Variants in RBFOX1 observed in about 807,000 individuals in gnomAD.
RBFOX1 encodes the protein RNA binding fox-1 homolog 1, also known as RNA binding protein fox-1 homolog 1.
A neutral mutation model predicts 57.7 loss-of-function variants in RBFOX1; 8 were observed. That is an observed-to-expected ratio of 0.14 (90% CI 0.08 to 0.25). The LOEUF is 0.25. Among genes scored for constraint, RBFOX1 ranks in the 10% least tolerant of loss-of-function variants. The pLI is 1.00. For missense variants in RBFOX1, 611 were observed against 548.5 expected (o/e 1.11, Z -1.14); for synonymous variants, 326 against 222.4 (o/e 1.47, Z -4.15).
At chr16:7,042,508 C>G (rs914853589) in intron 3 of RBFOX1, among the ~76,000 whole-genome samples, 14 of 152,328 alleles carry the variant, frequency 9.2e-5, no homozygotes, top group African/African-American at 3.1e-4. Flanking sequence ...AATCAATTGT[C>G]AGCTGCTTAC....
intron 2 of RBFOX1, among the ~76,000 whole-genome samples, chr16:6,349,382 A>C (rs2085904830): frequency 6.6e-6 from 1 of 152,226 alleles, no homozygotes; most frequent in Non-Finnish European, 1.5e-5. Context: ...TGTGTTTCAA[A>C]CTTTTGATAA....
intron 3 of RBFOX1, chr16:6,704,116 A>G (rs1281618574): frequency 6.6e-6 from 1 of 152,094 alleles, no homozygotes; most frequent in Admixed American, 6.6e-5. Context: ...CTAATTTCTT[A>G]ATTCATTTCA....
At chr16:5,963,773 G>A (rs1302694412) in intron 4 of RBFOX1, among the ~76,000 whole-genome samples, 3 of 152,138 alleles carry the variant, frequency 2.0e-5, no homozygotes, top group Non-Finnish European at 4.4e-5. Flanking sequence ...TGGATTAAAT[G>A]CTTAAACTTA....
At chr16:5,651,253 A>G (rs2006222) in intron 3 of RBFOX1, among the ~76,000 whole-genome samples, 82,997 of 151,178 alleles carry the variant, frequency 0.55, 26,429 homozygotes, top group Non-Finnish European at 0.72. Context: ...GGGTTTCACT[A>G]TGTTGACCAG....
intron 4 of RBFOX1, among the ~76,000 whole-genome samples, chr16:7,254,493 TC>T (rs2094600348): frequency 2.8e-5 from 3 of 106,450 alleles, no homozygotes; most frequent in Admixed American, 9.0e-5. Context: ...TGTCTCTCTC[TC>T]TCTCTTTTTT....
chr16:6,338,067 T>A (rs1179193101), intron 2 of RBFOX1, among the ~76,000 whole-genome samples: 1 of 152,242 alleles, frequency 6.6e-6, no homozygotes, highest in East Asian at 1.9e-4. Context: ...TTTGTCCAGG[T>A]AATTTTTGTC....
At chr16:5,300,405 C>A (rs1243862360) in intron 1 of RBFOX1, among the ~76,000 whole-genome samples, 3 of 152,062 alleles carry the variant, frequency 2.0e-5, no homozygotes, top group Non-Finnish European at 4.4e-5. Flanking sequence ...CACATGGGTA[C>A]AGTGTACACT....
rs529895760 is a variant in RBFOX1 at position 6,924,591 on chromosome 16, C to G, written c.-15-127466C>G. 5.3e-4 allele frequency among the ~76,000 whole-genome samples: 81 copies of G among 152,202 alleles called. No individual in the cohort carries two copies. In the Middle Eastern group the frequency reaches 0.014, roughly 26 times the overall value. ...ATATCCAAACTGTATCACCGAGCCT[C>G]CATTTCTTCACCTGCAAAATAATGA... On this transcript the variant is annotated intron_variant, in intron 3 of 15. Coordinates refer to ENST00000550418, the MANE Select transcript of RBFOX1 (RefSeq NM_018723.4).
At chr16:7,409,543 C>T (rs1434523259) in intron 4 of RBFOX1, among the ~76,000 whole-genome samples, 3 of 152,202 alleles carry the variant, frequency 2.0e-5, no homozygotes, top group Non-Finnish European at 4.4e-5. Flanking sequence ...TTATTTTGCA[C>T]TATCCTAAGC....
intron 11 of RBFOX1, among the ~76,000 whole-genome samples, chr16:7,651,135 T>A (rs1049139277): frequency 1.3e-5 from 2 of 152,180 alleles, no homozygotes; most frequent in African/African-American, 4.8e-5. Context: ...TCATTCTGGG[T>A]TCTACAATCC....
intron 12 of RBFOX1, among the ~76,000 whole-genome samples, chr16:7,660,434 G>A (rs72776850): frequency 0.088 from 13,354 of 152,156 alleles, 686 homozygotes; most frequent in Middle Eastern, 0.16. Flanking sequence ...CTGCACCGCA[G>A]ACATGGATCC....
intron 3 of RBFOX1, among the ~76,000 whole-genome samples, chr16:6,779,985 ATATT>A (rs1474538951): frequency 4.9e-5 from 3 of 61,710 alleles, no homozygotes; most frequent in African/African-American, 1.8e-4. Flanking sequence ...ATATATTTAT[ATATT>A]TATATATTTA....
At chr16:5,927,800 A>G (rs2058967856) in intron 4 of RBFOX1, among the ~76,000 whole-genome samples, 1 of 152,204 alleles carries the variant, frequency 6.6e-6, no homozygotes, top group Non-Finnish European at 1.5e-5. Context: ...TTTGTGACAA[A>G]ATGGGTAAAC....
chr16:5,303,881 G>A (rs1009064911), intron 1 of RBFOX1, among the ~76,000 whole-genome samples: 1 of 152,042 alleles, frequency 6.6e-6, no homozygotes, highest in Non-Finnish European at 1.5e-5. Context: ...AAGGGAGGAG[G>A]CCCACACCCT....
intron 2 of RBFOX1, among the ~76,000 whole-genome samples, chr16:6,324,514 T>A (rs543233684): frequency 6.6e-6 from 1 of 152,266 alleles, no homozygotes; most frequent in Non-Finnish European, 1.5e-5. Context: ...ACATCTTACA[T>A]GGCCAGAGCA....
Position 5,290,350 on chromosome 16 carries a change from T to C in RBFOX1, c.219+50245T>C, listed in dbSNP as rs1011667578. Reference sequence around the variant, plus strand: ...GCACTCCAGCCTGTGACAGAGACTCTATCTCAAAAAAAGTAGATTGTCAGG... The same window carrying C: ...GCACTCCAGCCTGTGACAGAGACTCCATCTCAAAAAAAGTAGATTGTCAGG... On this transcript the variant is annotated intron_variant, in intron 1 of 2. Transcript: ENST00000585867. 2.0e-5 allele frequency among the ~76,000 whole-genome samples: 3 copies of C among 152,174 alleles called. 1 individual carries two copies. The highest frequency in any genetic ancestry group is 6.8e-3 in the Middle Eastern group (2 of 294).
At chr16:6,557,042 TATACATATATATACATATATAC>T (rs1567672126) in intron 2 of RBFOX1, among the ~76,000 whole-genome samples, 5 of 127,998 alleles carry the variant, frequency 3.9e-5, no homozygotes, top group Non-Finnish European at 7.7e-5. Context: ...TACACATATA[TATACATATATATACATATATAC>T]ATACATATAT....
At chr16:6,964,153 G>C (rs2083594482) in intron 3 of RBFOX1, among the ~76,000 whole-genome samples, 2 of 152,124 alleles carry the variant, frequency 1.3e-5, no homozygotes, top group Admixed American at 1.3e-4. Context: ...AAGTAGGTGA[G>C]ATTACAGGCA....
At chr16:7,393,228 C>G (rs2098074713) in intron 4 of RBFOX1, among the ~76,000 whole-genome samples, 1 of 152,092 alleles carries the variant, frequency 6.6e-6, no homozygotes, top group Non-Finnish European at 1.5e-5. Flanking sequence ...TGAGATCTGA[C>G]AGGAAATGCC....
Sources: gnomAD v4.1 joint callset for allele counts (sites outside exome capture counted in the v4.1 genomes callset) on GRCh38, gnomAD v4.1.1 for gene constraint, MANE v1.5 for transcripts, NCBI Gene and HGNC (gene_info 2026-07-23, HGNC 2026-07-21) for gene names.